SLC14A2: variants seen among roughly 807,000 people sequenced by gnomAD.
SLC14A2 encodes the protein solute carrier family 14 member 2.
In SLC14A2, 91 loss-of-function variants were observed where a neutral mutation model predicts 104.6. The observed-to-expected ratio is 0.87, with a 90% confidence interval of 0.73 to 1.04. The LOEUF (loss-of-function observed/expected upper bound fraction) is 1.04. Among genes scored for constraint, SLC14A2 ranks in the 50% least tolerant of loss-of-function variants. The pLI is 0.00. For synonymous variants in SLC14A2, 476 were observed against 466.4 expected, an observed-to-expected ratio of 1.02 and a Z score of -0.27; for missense variants, 1,189 against 1,156.0, an observed-to-expected ratio of 1.03 and a Z score of -0.41.
intron 2 of SLC14A2, among the ~76,000 whole-genome samples, chr18:45,546,425 G>A (rs2043970075): frequency 6.6e-6 from 1 of 152,220 alleles, no homozygotes. Flanking sequence ...TTGAATCGAT[G>A]CAAACGAAAT....
chr18:45,290,196 G>C (rs900098824), intron 1 of SLC14A2, among the ~76,000 whole-genome samples: 3 of 152,132 alleles, frequency 2.0e-5, no homozygotes, highest in African/African-American at 7.2e-5. Flanking sequence ...GGGTATGACT[G>C]ATTCTGTCCC....
chr18:45,377,764 G>C (rs967854103), intron 1 of SLC14A2, among the ~76,000 whole-genome samples: 5 of 151,914 alleles, frequency 3.3e-5, no homozygotes, highest in Non-Finnish European at 7.4e-5. Flanking sequence ...AACTCTAATT[G>C]TTCCTCTTCT....
At chr18:45,353,758 T>A (rs2085524794) in intron 1 of SLC14A2, among the ~76,000 whole-genome samples, 1 of 152,154 alleles carries the variant, frequency 6.6e-6, no homozygotes, top group African/African-American at 2.4e-5. Flanking sequence ...GACTCATGGT[T>A]TTCTTCTCAG....
rs545038329 is a variant in SLC14A2, at chr18:45,539,390, A to C, written c.-35+56068A>C. On this transcript the variant is annotated intron_variant, in intron 2 of 20. Coordinates refer to the SLC14A2 transcript ENST00000586448. Reference sequence around the variant, plus strand: ...CCACCTGCCAGGACAGAGGATGCTCACTGCCATCACAGATGGCTGCCTGGA... The same window carrying C: ...CCACCTGCCAGGACAGAGGATGCTCCCTGCCATCACAGATGGCTGCCTGGA... Among the ~76,000 whole-genome samples the C allele has an allele frequency of 3.5e-4, 53 of 152,324 alleles. No individual in the cohort carries two copies. The South Asian group carries it at 0.011, about 30-fold the overall frequency.
At chr18:45,274,372 C>G in intron 1 of SLC14A2, among the ~76,000 whole-genome samples, 1 of 152,108 alleles carries the variant, frequency 6.6e-6, no homozygotes, top group East Asian at 1.9e-4. Flanking sequence ...TTTTTTTCTT[C>G]TACTTTATTT....
At chr18:45,355,155 A>G (rs1275798665) in intron 1 of SLC14A2, among the ~76,000 whole-genome samples, 1 of 152,162 alleles carries the variant, frequency 6.6e-6, no homozygotes, top group Non-Finnish European at 1.5e-5. Flanking sequence ...TGAAATGGGG[A>G]CAATCATAAT....
intron 1 of SLC14A2, among the ~76,000 whole-genome samples, chr18:45,362,195 C>T (rs1198394925): frequency 2.6e-5 from 4 of 152,358 alleles, no homozygotes; most frequent in South Asian, 2.1e-4. Context: ...CCTTCCACCA[C>T]GATTGTAAGT....
At chr18:45,644,636 A>G (rs1023005901) in intron 10 of SLC14A2, among the ~76,000 whole-genome samples, 4 of 152,158 alleles carry the variant, frequency 2.6e-5, no homozygotes, top group African/African-American at 4.8e-5. Context: ...ATGACCACAA[A>G]GAGAGGAATT....
chr18:45,250,776 T>TC lies in SLC14A2; in HGVS notation c.-125+37585_-125+37586insC, dbSNP rs2144074817. 2.7e-5 allele frequency among the ~76,000 whole-genome samples: 4 copies of TC among 147,144 alleles called. No individual in the cohort carries two copies. In the South Asian group the frequency reaches 8.5e-4, roughly 31 times the overall value. ...CTTCCTTTTTTTTTTTTTTTTTTTT[T>TC]GGCTTTGAGACATCTTCGGGTGAGA... On this transcript the variant is annotated intron_variant, in intron 1 of 20. Coordinates refer to the SLC14A2 transcript ENST00000586448.
chr18:45,670,616 A>T (rs1021681904), intron 16 of SLC14A2, among the ~76,000 whole-genome samples: 2 of 152,146 alleles, frequency 1.3e-5, no homozygotes, highest in Non-Finnish European at 2.9e-5. Flanking sequence ...CTGAATTTAC[A>T]CTGAGAAGCA....
At chr18:45,589,046 C>G (rs915453483) in intron 2 of SLC14A2, among the ~76,000 whole-genome samples, 6 of 152,032 alleles carry the variant, frequency 3.9e-5, no homozygotes, top group Non-Finnish European at 8.8e-5. Flanking sequence ...TGAAAAAACT[C>G]AAACCTGCAG....
chr18:45,657,093 A>T (rs1478247367), intron 10 of SLC14A2, among the ~76,000 whole-genome samples: 1 of 152,154 alleles, frequency 6.6e-6, no homozygotes, highest in Non-Finnish European at 1.5e-5. Context: ...GTTTTTCTTG[A>T]GGAAAGGGAG....
In SLC14A2 at chr18:45,637,038, C is replaced by T. The variant is rs761290040; in HGVS notation, c.699C>T (p.Leu233=). Residue 233 remains leucine, a synonymous_variant, in exon 6 of 20, where the codon CTC becomes CTT. Transcript: ENST00000255226. ...ATTCCATCTTCAGCAAGTGGGACCT[C>T]CCGGTCTTCACTCTGCCCTTCAACA... is the stretch of plus-strand genomic sequence containing the variant. ...ALNSIFSKWD[L]PVFTLPFNIA... is the part of the protein sequence containing the mutation. 40 of 1,614,076 alleles carry T rather than the reference C, an allele frequency of 2.5e-5. No individual in the cohort carries two copies. Among genetic ancestry groups the T allele is most frequent in the Non-Finnish European group, 2.1e-5 (25 of 1,180,026 alleles).
intron 1 of SLC14A2, among the ~76,000 whole-genome samples, chr18:45,262,109 G>A (rs1027881576): frequency 6.6e-6 from 1 of 152,198 alleles, no homozygotes; most frequent in Non-Finnish European, 1.5e-5. Context: ...TCTAACTGAT[G>A]TGAGATGGTA....
intron 1 of SLC14A2, among the ~76,000 whole-genome samples, chr18:45,333,699 T>C (rs1229144163): frequency 6.6e-6 from 1 of 152,194 alleles, no homozygotes; most frequent in African/African-American, 2.4e-5. Context: ...ATGCCACTTA[T>C]AGCCAACTAG....
At chr18:45,316,132 C>T (rs1370462266) in intron 1 of SLC14A2, among the ~76,000 whole-genome samples, 1 of 152,142 alleles carries the variant, frequency 6.6e-6, no homozygotes, top group Non-Finnish European at 1.5e-5. Flanking sequence ...GCTGTTGAAC[C>T]AAAGGAGAGC....
At chr18:45,605,740 G>T (rs2044857864) in intron 2 of SLC14A2, among the ~76,000 whole-genome samples, 1 of 152,114 alleles carries the variant, frequency 6.6e-6, no homozygotes, top group African/African-American at 2.4e-5. Flanking sequence ...CCAATGCAAT[G>T]ATTTTTCTTC....
intron 4 of SLC14A2, among the ~76,000 whole-genome samples, chr18:45,630,459 T>C (rs1416028392): frequency 6.6e-6 from 1 of 151,960 alleles, no homozygotes; most frequent in Admixed American, 6.6e-5. Context: ...ACAACACCAA[T>C]GCTGCAGTGT....
chr18:45,288,366 T>C (rs2084836081), intron 1 of SLC14A2, among the ~76,000 whole-genome samples: 2 of 152,282 alleles, frequency 1.3e-5, no homozygotes, highest in South Asian at 2.1e-4. Flanking sequence ...AGCAAACAAA[T>C]GTCATGCAAG....
Sources: allele counts gnomAD v4.1 joint callset (sites outside exome capture counted in the v4.1 genomes callset), GRCh38; gene constraint gnomAD v4.1.1; transcripts MANE v1.5; gene names NCBI Gene and HGNC (gene_info 2026-07-23, HGNC 2026-07-21).